Variants in SMURF1 observed in about 807,000 individuals in gnomAD.
SMURF1 encodes SMAD specific E3 ubiquitin protein ligase 1.
Under a neutral mutation model 98.0 loss-of-function variants are expected in SMURF1, and 44 were observed. The ratio of observed to expected loss-of-function variants is 0.45; its 90% confidence interval spans 0.35 to 0.58. The LOEUF (loss-of-function observed/expected upper bound fraction) is 0.58. SMURF1 is among the 20% of genes least tolerant of loss of function. The pLI, the probability that SMURF1 is intolerant of heterozygous loss-of-function variation, is 0.00. For synonymous variants in SMURF1, 396 were observed against 374.9 expected (o/e 1.06, Z -0.65); for missense variants, 687 against 938.4 (o/e 0.73, Z 3.50).
chr7:99,107,176 C>A (rs1797212332), intron 1 of SMURF1, among the ~76,000 whole-genome samples: 1 of 152,164 alleles, frequency 6.6e-6, no homozygotes, highest in Non-Finnish European at 1.5e-5. Context: ...CTCATTAATT[C>A]TTCTGCCACT....
rs1794811214 is a variant in SMURF1, at chr7:99,029,600, C to G, written c.*984G>C. The G allele has an allele frequency of 6.6e-6, 1 of 152,188 alleles. No individual in the cohort carries two copies. Among genetic ancestry groups the G allele is most frequent in the Non-Finnish European group, 1.5e-5 (1 of 68,036 alleles). 9.4% of individuals were successfully genotyped at this position (152,188 alleles called of 1,614,324 possible). ...CATCGAGGTTATCCTTTCACCATTG[C>G]TTTTAAGCGAGTTCACACCAAGCCA... On this transcript the variant is annotated 3_prime_UTR_variant, in exon 18 of 18. Transcript: ENST00000361368.
At chr7:99,034,196 C>A (rs1261518039) in intron 16 of SMURF1, among the ~76,000 whole-genome samples, 1 of 152,174 alleles carries the variant, frequency 6.6e-6, no homozygotes, top group Non-Finnish European at 1.5e-5. Flanking sequence ...TCAGAGACCT[C>A]CTGCAGGGCC....
intron 1 of SMURF1, among the ~76,000 whole-genome samples, chr7:99,088,191 G>C (rs900421552): frequency 2.0e-5 from 3 of 151,826 alleles, no homozygotes; most frequent in Admixed American, 6.5e-5. Flanking sequence ...TTCTTAGGTG[G>C]AGGCTGCAGT....
At chr7:99,080,594 C>T (rs993157500) in intron 1 of SMURF1, among the ~76,000 whole-genome samples, 3 of 152,180 alleles carry the variant, frequency 2.0e-5, no homozygotes, top group South Asian at 2.1e-4. Context: ...CCACCACGCC[C>T]GGCTAAACCT....
chr7:99,055,677 CAGAG>C, intron 5 of SMURF1, among the ~76,000 whole-genome samples: 1 of 151,552 alleles, frequency 6.6e-6, no homozygotes, highest in East Asian at 2.0e-4. Context: ...AATAAAGACA[CAGAG>C]AGGCCGGGCA....
chr7:99,071,235 T>C (rs1203150495), intron 1 of SMURF1, among the ~76,000 whole-genome samples: 1 of 152,078 alleles, frequency 6.6e-6, no homozygotes, highest in African/African-American at 2.4e-5. Flanking sequence ...AATTTTTGTA[T>C]TTTTAGTAGA....
chr7:99,136,610 G>A (rs770018080), intron 1 of SMURF1, among the ~76,000 whole-genome samples: 10 of 152,112 alleles, frequency 6.6e-5, no homozygotes, highest in Non-Finnish European at 1.2e-4. Context: ...GTACATCCCT[G>A]CATTGTTCCT....
chr7:99,033,224 C>A (rs773688611), intron 16 of SMURF1, 103 bp from the exon 17 acceptor site: 2 of 1,135,190 alleles, frequency 1.8e-6, no homozygotes, highest in Non-Finnish European at 2.6e-6. Context: ...TTCCCACCCC[C>A]ACACCCAGGC....
intron 5 of SMURF1, among the ~76,000 whole-genome samples, 192 bp downstream of exon 5, chr7:99,057,013 A>T (rs570650370): frequency 6.7e-6 from 1 of 149,318 alleles, no homozygotes; most frequent in South Asian, 2.1e-4. Context: ...AAAAGCCAGG[A>T]GAAGGGAATT....
Position 99,060,620 on chromosome 7 carries a change from T to C in SMURF1, c.182A>G (p.Lys61Arg). The C allele has an allele frequency of 6.2e-7, 1 of 1,613,870 alleles. No homozygotes were observed. Among genetic ancestry groups the C allele is most frequent in the Non-Finnish European group, 8.5e-7 (1 of 1,179,862 alleles). Residue 61 changes from lysine (K) to arginine (R), a missense_variant, in exon 3 of 18, where the codon AAG becomes AGG. Coordinates refer to ENST00000361368, the MANE Select transcript of SMURF1 (RefSeq NM_181349.3). ...TDTVKNTLDP[K>R]WNQHYDLYVG... is the part of the protein sequence containing the mutation. ...TCACAGATCATAGTGCTGGTTCCAC[T>C]TTGGGTCCAATGTGTTTTTCACAGT... is the stretch of plus-strand genomic sequence containing the variant.
chr7:99,076,546 A>C (rs1244770867), intron 1 of SMURF1, among the ~76,000 whole-genome samples: 1 of 152,224 alleles, frequency 6.6e-6, no homozygotes, highest in African/African-American at 2.4e-5. Context: ...AAAAGCAAGG[A>C]AAGTCTAAGA....
At chr7:99,141,042 AGG>A (rs1314839297) in intron 1 of SMURF1, among the ~76,000 whole-genome samples, 1 of 152,208 alleles carries the variant, frequency 6.6e-6, no homozygotes, top group Non-Finnish European at 1.5e-5. Flanking sequence ...TCCTATTGTA[AGG>A]ATGATCACAC....
Position 99,128,958 on chromosome 7 carries a change from G to C in SMURF1, c.55+14768C>G, listed in dbSNP as rs759725034. Among the ~76,000 whole-genome samples, 39 of 152,112 alleles carry C rather than the reference G, an allele frequency of 2.6e-4. 1 individual carries two copies. Among genetic ancestry groups the C allele is most frequent in the Non-Finnish European group, 1.0e-4 (7 of 68,026 alleles). Reference sequence around the variant, plus strand: ...TAAATGAGTGATTATTAAATTTCTAGTGTTGCAACACGAGGCCAAATTCAA... The same window carrying C: ...TAAATGAGTGATTATTAAATTTCTACTGTTGCAACACGAGGCCAAATTCAA... On this transcript the variant is annotated intron_variant, in intron 1 of 17. Coordinates refer to ENST00000361368, the MANE Select transcript of SMURF1 (RefSeq NM_181349.3).
chr7:99,073,782 T>C (rs1362233565), intron 1 of SMURF1, among the ~76,000 whole-genome samples: 1 of 150,438 alleles, frequency 6.6e-6, no homozygotes, highest in South Asian at 2.1e-4. Context: ...AAAAAAAAAA[T>C]TGGTCATGAC....
At chr7:99,068,039 G>C (rs1022401851) in intron 1 of SMURF1, among the ~76,000 whole-genome samples, 8 of 152,192 alleles carry the variant, frequency 5.3e-5, no homozygotes, top group African/African-American at 1.7e-4. Context: ...TCTTGAGAAA[G>C]TTTCTAATTT....
At chr7:99,140,634 G>T (rs1429448098) in intron 1 of SMURF1, among the ~76,000 whole-genome samples, 1 of 152,038 alleles carries the variant, frequency 6.6e-6, no homozygotes, top group East Asian at 1.9e-4. Context: ...TGTTAGCCAG[G>T]ATGGTCTCAA....
At chr7:99,043,157 G>T (rs898009814) in intron 11 of SMURF1, among the ~76,000 whole-genome samples, 2 of 152,106 alleles carry the variant, frequency 1.3e-5, no homozygotes, top group African/African-American at 4.8e-5. Context: ...CAAACATTCC[G>T]ACCGAGCCAT....
At chr7:99,094,891 G>A (rs117995567) in intron 1 of SMURF1, among the ~76,000 whole-genome samples, 8,284 of 152,084 alleles carry the variant, frequency 0.054, 310 homozygotes, top group Non-Finnish European at 0.08. Context: ...CCCAGACAGC[G>A]CACCCACAGC....
At chr7:99,047,450 A>G (rs1490614590) in intron 10 of SMURF1, among the ~76,000 whole-genome samples, 1 of 152,206 alleles carries the variant, frequency 6.6e-6, no homozygotes, top group Non-Finnish European at 1.5e-5. Flanking sequence ...GGAAATGAAT[A>G]CCATTCCCTC....
Sources: allele counts gnomAD v4.1 joint callset (sites outside exome capture counted in the v4.1 genomes callset), GRCh38; gene constraint gnomAD v4.1.1; transcripts MANE v1.5; gene names NCBI Gene and HGNC (gene_info 2026-07-23, HGNC 2026-07-21).